ADAMTS9: variants seen among roughly 807,000 people sequenced by gnomAD.
The protein encoded by ADAMTS9 is A disintegrin and metalloproteinase with thrombospondin motifs 9.
Under a neutral mutation model 257.1 loss-of-function variants are expected in ADAMTS9, and 107 were observed. The ratio of observed to expected loss-of-function variants is 0.42; its 90% confidence interval spans 0.36 to 0.49. The LOEUF is 0.49. ADAMTS9 is among the 20% of genes least tolerant of loss of function. ADAMTS9 has a pLI of 0.03. For missense variants in ADAMTS9, 2,353 were observed against 2,469.1 expected, an observed-to-expected ratio of 0.95 and a Z score of 1.00; for synonymous variants, 982 against 880.9, an observed-to-expected ratio of 1.11 and a Z score of -2.03.
chr3:64,608,339 T>C (rs543376672), intron 22 of ADAMTS9, among the ~76,000 whole-genome samples: 1 of 130,290 alleles, frequency 7.7e-6, no homozygotes, highest in African/African-American at 2.9e-5. Flanking sequence ...AGTAGAAGAA[T>C]AATAGAAAAA....
intron 28 of ADAMTS9, among the ~76,000 whole-genome samples, chr3:64,581,282 GTCAT>G (rs1320254610): frequency 5.3e-5 from 8 of 152,204 alleles, no homozygotes; most frequent in African/African-American, 9.6e-5. Flanking sequence ...AGTGGAGAAG[GTCAT>G]TCATTCAGAG....
intron 38 of ADAMTS9, 70 bp downstream of exon 38, chr3:64,533,096 C>T (rs2083003699): frequency 1.4e-6 from 2 of 1,401,754 alleles, no homozygotes; most frequent in East Asian, 4.6e-5. Flanking sequence ...GCACCACTAC[C>T]ACAGTAATAA....
intron 3 of ADAMTS9, among the ~76,000 whole-genome samples, chr3:64,664,061 T>C (rs2106989945): frequency 6.6e-6 from 1 of 152,230 alleles, no homozygotes; most frequent in South Asian, 2.1e-4. Context: ...GTGATCCACA[T>C]TTCTCTTTTG....
At chr3:64,591,243 C>A (rs1184532759) in intron 28 of ADAMTS9, among the ~76,000 whole-genome samples, 1 of 152,044 alleles carries the variant, frequency 6.6e-6, no homozygotes, top group African/African-American at 2.4e-5. Flanking sequence ...AGTTTGAAAC[C>A]AGCCTGGCCA....
chr3:64,654,825 C>G, intron 6 of ADAMTS9: 1 of 582,808 alleles, frequency 1.7e-6, no homozygotes, highest in Non-Finnish European at 3.0e-6. Flanking sequence ...AAGTTTTCTT[C>G]TGTGGTCAGG....
intron 3 of ADAMTS9, 111 bp from the exon 4 acceptor site, chr3:64,658,902 A>G: frequency 8.5e-7 from 1 of 1,178,160 alleles, no homozygotes; most frequent in South Asian, 1.5e-5. Context: ...CTACATACAA[A>G]AACAAGTCCT....
intron 10 of ADAMTS9, 130 bp downstream of exon 10, chr3:64,649,507 C>T (rs1166493274): frequency 9.5e-7 from 1 of 1,057,934 alleles, no homozygotes; most frequent in African/African-American, 1.6e-5. Flanking sequence ...ATTATGATCA[C>T]TAATATGCAA....
Position 64,604,270 on chromosome 3 carries a change from T to C in ADAMTS9, c.3536A>G (p.Tyr1179Cys), listed in dbSNP as rs908179171. Residue 1179 changes from tyrosine to cysteine, a missense_variant, in exon 24 of 40, where the codon TAC becomes TGC. Transcript: ENST00000498707. ...TCGCCACTGGGTTCTTGGTGCACTG[T>C]ATGTGCTTCTCCTCGTTTCCGGGGC... ...PAAPETRRST[Y>C]SAPRTQWRFG... The C allele has an allele frequency of 2.5e-6, 4 of 1,613,714 alleles. No homozygotes were observed. Among genetic ancestry groups the C allele is most frequent in the Non-Finnish European group, 3.4e-6 (4 of 1,179,812 alleles).
chr3:64,539,293 G>A lies in ADAMTS9; in HGVS notation c.5523C>T (p.Thr1841=). The change falls in exon 37 of 40, where the codon ACC becomes ACT. Residue 1841 remains threonine (T), a splice_region_variant and synonymous_variant. Transcript: ENST00000498707. ...TTGTCCTTGCAAACTGTAAGTCAGT[G>A]GCTGTGGGGTGGAGAAGGGGTTAAA... is the stretch of plus-strand genomic sequence containing the variant. ...RIDLTSMQII[T]TDLQFARTSE... is the part of the protein sequence containing the mutation. The A allele has an allele frequency of 1.2e-6, 2 of 1,613,844 alleles. No individual in the cohort carries two copies. The highest frequency in any genetic ancestry group is 1.7e-6 in the Non-Finnish European group (2 of 1,179,794).
intron 3 of ADAMTS9, among the ~76,000 whole-genome samples, chr3:64,678,801 T>C (rs1232155530): frequency 2.0e-5 from 3 of 152,168 alleles, no homozygotes; most frequent in Non-Finnish European, 2.9e-5. Flanking sequence ...TATTCTAAAC[T>C]GTTCTGAGAA....
chr3:64,634,351 T>C (rs915851511), intron 12 of ADAMTS9, among the ~76,000 whole-genome samples: 5 of 152,222 alleles, frequency 3.3e-5, no homozygotes, highest in African/African-American at 1.2e-4. Context: ...CATCATAAAC[T>C]TGTTCCCTCA....
chr3:64,666,389 C>T (rs1364869906), intron 3 of ADAMTS9, among the ~76,000 whole-genome samples: 2 of 152,154 alleles, frequency 1.3e-5, no homozygotes, highest in East Asian at 1.9e-4. Flanking sequence ...TTCCTCAAGG[C>T]GCTGGGCTAC....
In ADAMTS9 at chr3:64,622,278, T is replaced by C; in HGVS notation, c.2606A>G (p.Asn869Ser). 4 of 1,613,988 alleles carry C rather than the reference T, an allele frequency of 2.5e-6. No individual in the cohort carries two copies. Among genetic ancestry groups the C allele is most frequent in the Non-Finnish European group, 3.4e-6 (4 of 1,179,950 alleles). The change falls in exon 18 of 40, where the codon AAT (asparagine) becomes AGT (serine). Residue 869 changes from asparagine to serine, a missense_variant. Physicochemically the swap from Asn to Ser is conservative, Grantham distance 46 (BLOSUM62 1). Around this residue, in one of 3 missense-constraint regions of ADAMTS9, gnomAD observed 1,402 missense variants for 1,441.4 expected, o/e 0.97. Transcript: ENST00000498707. ...CTGAGGTTTATCTTCAATTGGAATA[T>C]TGAAAGAATAGCGTACATCGGGGTT... The part of the protein sequence containing the change: ...LYNPDVRYSF[N>S]IPIEDKPQQF...
Position 64,613,394 on chromosome 3 carries a change from G to A in ADAMTS9, c.3305C>T (p.Thr1102Ile). Residue 1102 changes from threonine to isoleucine, a missense_variant, in exon 22 of 40, where the codon ACT becomes ATT. Around this residue, in one of 3 missense-constraint regions of ADAMTS9, gnomAD observed 1,402 missense variants for 1,441.4 expected, o/e 0.97. Transcript: ENST00000498707. The stretch of plus-strand genomic sequence containing the variant: ...GGATGCACATTCCGGCTGCTGACAA[G>A]TCTGCATAGATGTTGGCTTGGTCTC... ...DPETKPTSMQTCQQPECASWQ... is the reference protein window; with the variant it reads ...DPETKPTSMQICQQPECASWQ... 6.2e-7 allele frequency: 1 copy of A among 1,614,020 alleles called. No homozygotes were observed. The highest frequency in any genetic ancestry group is 8.5e-7 in the Non-Finnish European group (1 of 1,179,914).
intron 28 of ADAMTS9, chr3:64,583,991 T>C (rs1002547961): frequency 6.6e-6 from 1 of 150,828 alleles, no homozygotes; most frequent in Non-Finnish European, 1.5e-5. Context: ...ATTATGTCCA[T>C]GACCCTGCAC....
intron 23 of ADAMTS9, among the ~76,000 whole-genome samples, chr3:64,605,786 A>G (rs1364750585): frequency 6.6e-6 from 1 of 152,262 alleles, no homozygotes; most frequent in Non-Finnish European, 1.5e-5. Flanking sequence ...AAACACACAC[A>G]TATTACATGC....
At chr3:64,561,819 A>G in intron 29 of ADAMTS9, 68 bp from the exon 30 acceptor site, 1 of 1,375,160 alleles carries the variant, frequency 7.3e-7, no homozygotes, top group Non-Finnish European at 1.0e-6. Flanking sequence ...GGGGGTGTCG[A>G]GGGTCACAGA....
At chr3:64,581,688 A>T (rs2084004481) in intron 28 of ADAMTS9, among the ~76,000 whole-genome samples, 1 of 152,250 alleles carries the variant, frequency 6.6e-6, no homozygotes, top group African/African-American at 2.4e-5. Context: ...TCACATAGCC[A>T]ATTGGTAATT....
intron 3 of ADAMTS9, among the ~76,000 whole-genome samples, chr3:64,680,156 C>CT (rs906431688): frequency 5.3e-5 from 8 of 152,174 alleles, no homozygotes; most frequent in African/African-American, 1.9e-4. Context: ...ACACCACATG[C>CT]TATCCCAGTG....
Sources: allele counts gnomAD v4.1 joint callset (sites outside exome capture counted in the v4.1 genomes callset), GRCh38; gene constraint gnomAD v4.1.1; regional missense constraint gnomAD v4.1.1; transcripts MANE v1.5; gene names NCBI Gene and HGNC (gene_info 2026-07-23, HGNC 2026-07-21).